Variants in SYK observed in about 807,000 individuals in gnomAD.
The protein encoded by SYK is spleen associated tyrosine kinase, also known as tyrosine-protein kinase SYK.
SYK carries 16 observed loss-of-function variants against 77.8 expected under a neutral mutation model. The ratio of observed to expected loss-of-function variants is 0.21; its 90% CI spans 0.14 to 0.31. The LOEUF (loss-of-function observed/expected upper bound fraction) is 0.31, where lower values mean the gene tolerates loss of function less well. SYK is among the 10% of genes least tolerant of loss of function. The pLI, the probability that SYK is intolerant of heterozygous loss-of-function variation, is 1.00. For missense variants in SYK, 529 were observed against 814.4 expected (o/e 0.65, Z 4.26); for synonymous variants, 312 against 308.7 (o/e 1.01, Z -0.11).
intron 1 of SYK, among the ~76,000 whole-genome samples, chr9:90,834,186 ATGCACACACATGTG>A (rs1010374163): frequency 2.0e-4 from 31 of 152,268 alleles, no homozygotes; most frequent in African/African-American, 7.0e-4. Context: ...TCCCAGCCTC[ATGCACACACATGTG>A]TGCACACACA....
chr9:90,873,419 G>C (rs1827805870), intron 7 of SYK, among the ~76,000 whole-genome samples: 1 of 152,062 alleles, frequency 6.6e-6, no homozygotes, highest in South Asian at 2.1e-4. Flanking sequence ...TTTTAATTTG[G>C]AAGAAAGGGT....
At position 90,895,330 on chromosome 9, in the gene SYK, C is replaced by T. The variant is rs1431704980; in HGVS notation, c.1836-198C>T. On this transcript the variant is annotated intron_variant, in intron 13 of 13. Coordinates refer to ENST00000375754, the MANE Select transcript of SYK (RefSeq NM_003177.7). The surrounding 1 kb of genome is among the most constrained non-coding windows in gnomAD (Gnocchi z 4.4). ...TGCAGATATGGGTTATTTAGGTCTA[C>T]AGTAGGCCGACACTATTTTTGACAG... Among the ~76,000 whole-genome samples, 1 of 152,174 alleles carries T rather than the reference C, an allele frequency of 6.6e-6. No individual in the cohort carries two copies. Among genetic ancestry groups the T allele is most frequent in the Non-Finnish European group, 1.5e-5 (1 of 68,036 alleles).
At chr9:90,835,318 T>A (rs1826031740) in intron 1 of SYK, among the ~76,000 whole-genome samples, 1 of 152,128 alleles carries the variant, frequency 6.6e-6, no homozygotes, top group Non-Finnish European at 1.5e-5. Flanking sequence ...AGATGTTGGA[T>A]GGATGGGGCC....
intron 1 of SYK, among the ~76,000 whole-genome samples, chr9:90,832,284 C>T (rs779251723): frequency 1.3e-5 from 2 of 152,044 alleles, no homozygotes; most frequent in African/African-American, 4.8e-5. Context: ...AGTATGATAT[C>T]GATGAAATGG....
intron 1 of SYK, among the ~76,000 whole-genome samples, chr9:90,815,094 T>TA (rs112169586): frequency 0.26 from 38,325 of 147,942 alleles, 4,882 homozygotes; most frequent in Middle Eastern, 0.37. Flanking sequence ...TCTCTTCGGT[T>TA]AAAAAAAAAA....
Position 90,864,639 on chromosome 9 carries a change from T to A in SYK, c.768T>A (p.Thr256=), listed in dbSNP as rs1163104790. The A allele has an allele frequency of 6.2e-7, 1 of 1,614,232 alleles. No homozygotes were observed. The highest frequency in any genetic ancestry group is 1.6e-4 in the Middle Eastern group (1 of 6,062). ...YKADGLLRVL[T]VPCQKIGTQG... is the part of the protein sequence containing the mutation. ...CAGATGGTTTGTTAAGAGTTCTTAC[T>A]GTCCCATGTCAAAAAATCGGCACAC... Residue 256 remains threonine, a synonymous_variant, in exon 5 of 14, where the codon ACT becomes ACA. Transcript: ENST00000375754.
chr9:90,894,840 G>C (rs1293011660), intron 13 of SYK, among the ~76,000 whole-genome samples: 2 of 152,216 alleles, frequency 1.3e-5, no homozygotes, highest in Admixed American at 6.5e-5. Flanking sequence ...TAGAGACTGC[G>C]AACTGTTAAT....
At position 90,887,853 on chromosome 9, in the gene SYK, G is replaced by T. The variant is rs762706714; in HGVS notation, c.1686G>T (p.Met562Ile). Residue 562 changes from methionine (M) to isoleucine (I), a missense_variant, in exon 12 of 14, where the codon ATG (methionine) becomes ATT (isoleucine). Physicochemically the swap from Met to Ile is conservative, Grantham distance 10. Around this residue, in one of 2 missense-constraint regions of SYK, gnomAD observed 208 missense variants for 381.3 expected, o/e 0.55. Transcript: ENST00000375754. ...KSDVWSFGVLMWEAFSYGQKP... is the reference protein window; with the variant it reads ...KSDVWSFGVLIWEAFSYGQKP... ...ATGTCTGGAGCTTTGGAGTGTTGAT[G>T]TGGGAAGCATTCTCCTATGGGCAGA... The T allele has an allele frequency of 1.2e-6, 2 of 1,612,684 alleles. No individual in the cohort carries two copies. Among genetic ancestry groups the T allele is most frequent in the East Asian group, 4.5e-5 (2 of 44,730 alleles).
intron 1 of SYK, among the ~76,000 whole-genome samples, chr9:90,842,928 CCTT>C (rs571052304): frequency 6.6e-6 from 1 of 152,060 alleles, no homozygotes; most frequent in South Asian, 2.1e-4. Context: ...CAATATGTAT[CCTT>C]CTAGTTTACA....
chr9:90,893,715 A>G (rs1399904942), intron 13 of SYK, among the ~76,000 whole-genome samples: 1 of 152,216 alleles, frequency 6.6e-6, no homozygotes, highest in East Asian at 1.9e-4. Flanking sequence ...ACAGAAAATT[A>G]TGGGGAGGGA....
intron 1 of SYK, among the ~76,000 whole-genome samples, chr9:90,840,701 C>A (rs1195708899): frequency 6.6e-6 from 1 of 152,058 alleles, no homozygotes; most frequent in African/African-American, 2.4e-5. Context: ...TGTAGATATA[C>A]TTTAAAAAAC....
At chr9:90,844,702 T>G (rs534878807) in intron 2 of SYK, among the ~76,000 whole-genome samples, 2 of 152,340 alleles carry the variant, frequency 1.3e-5, no homozygotes, top group Admixed American at 1.3e-4. Context: ...CAGAACTTTC[T>G]GTGTCAACAC....
chr9:90,850,527 ATATTAT>A (rs933083369), intron 3 of SYK, among the ~76,000 whole-genome samples: 1 of 151,410 alleles, frequency 6.6e-6, no homozygotes, highest in Non-Finnish European at 1.5e-5. Flanking sequence ...AAAAATATAT[ATATTAT>A]TATTATTATT....
At chr9:90,860,550 G>A (rs1827216347) in intron 3 of SYK, among the ~76,000 whole-genome samples, 1 of 152,114 alleles carries the variant, frequency 6.6e-6, no homozygotes, top group Non-Finnish European at 1.5e-5. Flanking sequence ...GGTTGGTTTG[G>A]GAAGAAGAGG....
chr9:90,884,361 A>ATATG (rs796712184), intron 11 of SYK, among the ~76,000 whole-genome samples: 2 of 101,738 alleles, frequency 2.0e-5, no homozygotes, highest in African/African-American at 4.8e-5. Context: ...ATACGTGTAT[A>ATATG]CATACATACA....
At chr9:90,811,132 T>G (rs2118300321) in intron 1 of SYK, among the ~76,000 whole-genome samples, 1 of 152,336 alleles carries the variant, frequency 6.6e-6, no homozygotes, top group South Asian at 2.1e-4. Context: ...TGAATTTATA[T>G]TCACACTCAT....
rs200440991 is a variant in SYK at position 90,897,703 on chromosome 9, T to C, written c.*2103T>C. 4.0e-5 allele frequency: 9 copies of C among 224,516 alleles called. No homozygotes were observed. Among genetic ancestry groups the C allele is most frequent in the Non-Finnish European group, 7.1e-5 (8 of 112,532 alleles). 13.9% of individuals were successfully genotyped at this position (224,516 alleles called of 1,614,324 possible). A position where few individuals can be genotyped will look rare whatever the true frequency, so the allele number is the denominator to read the frequency against. On this transcript the variant is annotated 3_prime_UTR_variant, in exon 14 of 14. Coordinates refer to ENST00000375754, the MANE Select transcript of SYK (RefSeq NM_003177.7). ...GGGATGCCAAACATCCAGAATGTGA[T>C]GGGACAAGATGGGGGCAGGGGCCTC...
At chr9:90,874,619 A>C in intron 8 of SYK, 53 bp from the exon 9 acceptor site, 2 of 1,552,142 alleles carry the variant, frequency 1.3e-6, no homozygotes, top group Admixed American at 3.9e-5. Context: ...TGGAAGGATG[A>C]ATCCTGGTGT....
chr9:90,802,079 C>T (rs1358119197), intron 1 of SYK, 186 bp downstream of exon 1: 1 of 152,388 alleles, frequency 6.6e-6, no homozygotes, highest in Non-Finnish European at 1.5e-5. Context: ...TACCCGCGCT[C>T]GGGATCCAGA....
Sources: gnomAD v4.1 joint callset for allele counts (sites outside exome capture counted in the v4.1 genomes callset) on GRCh38, gnomAD v4.1.1 for gene constraint, gnomAD v4.1.1 regional missense constraint, Gnocchi (gnomAD v3.1) non-coding constraint, MANE v1.5 for transcripts, NCBI Gene and HGNC (gene_info 2026-07-23, HGNC 2026-07-21) for gene names.